Variants in PCDH19 observed in about 807,000 individuals in gnomAD.
The protein encoded by PCDH19 is protocadherin-19.
In PCDH19, 6 loss-of-function variants were observed where a neutral mutation model predicts 46.2. That is an observed-to-expected ratio of 0.13 (90% CI 0.07 to 0.26). PCDH19 has a LOEUF of 0.26. Among genes scored for constraint, PCDH19 ranks in the 10% least tolerant of loss-of-function variants. The pLI is 1.00. For synonymous variants in PCDH19, 481 were observed against 415.7 expected, an observed-to-expected ratio of 1.16 and a Z score of -1.91; for missense variants, 740 against 972.3, an observed-to-expected ratio of 0.76 and a Z score of 3.18.
At chrX:100,322,852 TATATA>T (rs1325317466) in intron 5 of PCDH19, among the ~76,000 whole-genome samples, 17 of 58,293 alleles carry the variant, frequency 2.9e-4, no homozygotes, top group African/African-American at 7.2e-4. Context: ...TATATATATA[TATATA>T]TATATATATT....
At chrX:100,324,057 G>C (rs2147469518) in intron 5 of PCDH19, among the ~76,000 whole-genome samples, 1 of 112,034 alleles carries the variant, frequency 8.9e-6, no homozygotes, top group African/African-American at 3.2e-5. Context: ...CAAACCAACT[G>C]TGAGAGGTGT....
chrX:100,325,151 AG>A (rs1925648997), intron 5 of PCDH19, among the ~76,000 whole-genome samples: 1 of 92,698 alleles, frequency 1.1e-5, no homozygotes, highest in Non-Finnish European at 2.3e-5. Flanking sequence ...ATAGATAGAT[AG>A]ATAGATAGAT....
intron 3 of PCDH19, among the ~76,000 whole-genome samples, chrX:100,387,172 T>A (rs2147521122): frequency 8.9e-6 from 1 of 112,007 alleles, no homozygotes; most frequent in Admixed American, 9.5e-5. Flanking sequence ...GTGAGAAGTT[T>A]ATACAGCCAT....
At chrX:100,342,438 A>G (rs773069177) in intron 4 of PCDH19, among the ~76,000 whole-genome samples, 2 of 112,394 alleles carry the variant, frequency 1.8e-5, no homozygotes, top group Non-Finnish European at 3.8e-5. Context: ...TTTACTGAGC[A>G]ATTACTATTC....
At chrX:100,332,928 G>A (rs1315278737) in intron 5 of PCDH19, among the ~76,000 whole-genome samples, 2 of 108,086 alleles carry the variant, frequency 1.9e-5, no homozygotes, top group Non-Finnish European at 3.8e-5. Context: ...CCTGAGCCCA[G>A]GAGGTCAAGG....
At chrX:100,392,620 C>T (rs959766185) in intron 3 of PCDH19, among the ~76,000 whole-genome samples, 1 of 111,695 alleles carries the variant, frequency 9.0e-6, no homozygotes, top group African/African-American at 3.3e-5. Context: ...ATGATCAGAA[C>T]AGCAAGCTCA....
chrX:100,296,794 A>T lies in PCDH19; in HGVS notation c.2930T>A (p.Met977Lys). Residue 977 changes from methionine to lysine, a missense_variant, in exon 6 of 6, where the codon ATG becomes AAG. Coordinates refer to ENST00000373034, the MANE Select transcript of PCDH19 (RefSeq NM_001184880.2). ...CTCAGGGGACTTGGAACGGATGGGC[A>T]TGGGGTTCCGGGGCATCCAGCACCT... is the stretch of plus-strand genomic sequence containing the variant. Reference protein sequence around the residue: ...SDRCWMPRNPMPIRSKSPEHV... With the variant: ...SDRCWMPRNPKPIRSKSPEHV... The T allele has an allele frequency of 8.3e-7, 1 of 1,211,486 alleles. No homozygotes were observed. Among genetic ancestry groups the T allele is most frequent in the Non-Finnish European group, 1.1e-6 (1 of 895,182 alleles).
chrX:100,394,883 A>ATTT lies in PCDH19; in HGVS notation c.2616+7638_2616+7640dup, dbSNP rs139332001. Among the ~76,000 whole-genome samples the ATTT allele has an allele frequency of 9.6e-4, 69 of 71,545 alleles. 1 individual carries two copies. Among genetic ancestry groups the ATTT allele is most frequent in the Middle Eastern group, 0.018 (2 of 114 alleles). 62.1% of individuals were successfully genotyped at this position (71,545 alleles called of 115,157 possible). ...AAATCTTGTCAATTTGAGGAATCTA[A>ATTT]TTTTTTTTTTTTTTTTTTTTTTGAG... On this transcript the variant is annotated intron_variant, in intron 3 of 5. Transcript: ENST00000373034.
intron 5 of PCDH19, among the ~76,000 whole-genome samples, chrX:100,336,792 T>C (rs1926102656): frequency 8.9e-6 from 1 of 111,750 alleles, no homozygotes; most frequent in Non-Finnish European, 1.9e-5. Context: ...CTGATGAATT[T>C]ATAATCAATA....
chrX:100,402,521 C>A lies in PCDH19; in HGVS notation c.2616+3G>T. On this transcript the variant is annotated splice_donor_region_variant and intron_variant, in intron 3 of 5. Coordinates refer to ENST00000373034, the MANE Select transcript of PCDH19 (RefSeq NM_001184880.2). ...CCTCACAGAGCCACTTAGCTGCACT[C>A]ACCTCAGGCAGAGGCACACCGTTGA... 2 of 1,207,978 alleles carry A rather than the reference C, an allele frequency of 1.7e-6. No homozygotes were observed. Among genetic ancestry groups the A allele is most frequent in the Non-Finnish European group, 2.2e-6 (2 of 892,010 alleles).
In PCDH19 at chrX:100,409,827, T is replaced by C. The variant is rs1248354677; in HGVS notation, c.-1230A>G. On this transcript the variant is annotated 5_prime_UTR_variant, in exon 1 of 6. It removes the in-frame stop codon of an upstream open reading frame in the 5' UTR. Coordinates refer to ENST00000373034, the MANE Select transcript of PCDH19 (RefSeq NM_001184880.2). ...TCGACGATTTTGTCGCCGCCGAAGT[T>C]TACTTGCAGGAGCGTCTTGATTTCA... The C allele has an allele frequency of 1.2e-5, 3 of 260,413 alleles. No individual in the cohort carries two copies. The highest frequency in any genetic ancestry group is 2.0e-5 in the Non-Finnish European group (3 of 149,285). The allele number at this position is 260,413 out of a possible 1,213,427, so 21.5% of individuals were successfully genotyped here. A position where few individuals can be genotyped will look rare whatever the true frequency, so the allele number is the denominator to read the frequency against.
chrX:100,384,571 CT>C (rs965638666), intron 3 of PCDH19, among the ~76,000 whole-genome samples: 1 of 109,918 alleles, frequency 9.1e-6, no homozygotes, highest in African/African-American at 3.3e-5. Flanking sequence ...GTGCCCTACG[CT>C]TTTTTTTGAA....
intron 3 of PCDH19, among the ~76,000 whole-genome samples, chrX:100,360,575 AACAGATTATTT>A (rs1926851894): frequency 8.9e-6 from 1 of 112,369 alleles, no homozygotes; most frequent in Admixed American, 9.5e-5. Context: ...AAAAAATATA[AACAGATTATTT>A]ATTTCTGACC....
chrX:100,376,080 A>T (rs1369917760), intron 3 of PCDH19, among the ~76,000 whole-genome samples: 2 of 109,642 alleles, frequency 1.8e-5, no homozygotes, highest in African/African-American at 6.7e-5. Flanking sequence ...CTACTAAATT[A>T]CAAAATTAGC....
At chrX:100,351,463 A>C (rs1461376313) in intron 3 of PCDH19, among the ~76,000 whole-genome samples, 1 of 112,655 alleles carries the variant, frequency 8.9e-6, no homozygotes, top group Non-Finnish European at 1.9e-5. Flanking sequence ...ACAGCTAATG[A>C]TCACCCAGAG....
chrX:100,354,150 A>T, intron 3 of PCDH19, among the ~76,000 whole-genome samples: 1 of 112,053 alleles, frequency 8.9e-6, no homozygotes, highest in East Asian at 2.8e-4. Flanking sequence ...ACTGACATCA[A>T]GTGTTCTAGC....
intron 3 of PCDH19, among the ~76,000 whole-genome samples, chrX:100,400,071 A>G (rs1004850750): frequency 4.4e-4 from 49 of 111,454 alleles, no homozygotes; most frequent in African/African-American, 1.6e-3. Flanking sequence ...GTGATCACCA[A>G]GTCCTCAGGA....
At chrX:100,350,555 CA>C (rs1014905103) in intron 4 of PCDH19, 90 bp downstream of exon 4, 8 of 633,227 alleles carry the variant, frequency 1.3e-5, no homozygotes, top group South Asian at 5.1e-5. Context: ...TAAAATCCCC[CA>C]AAAAAATACG....
At chrX:100,361,212 T>C (rs1163025541) in intron 3 of PCDH19, among the ~76,000 whole-genome samples, 1 of 112,326 alleles carries the variant, frequency 8.9e-6, no homozygotes, top group Non-Finnish European at 1.9e-5. Context: ...CTATGAAATC[T>C]TTTATCACAA....
Sources: gnomAD v4.1 joint callset for allele counts (sites outside exome capture counted in the v4.1 genomes callset) on GRCh38, gnomAD v4.1.1 for gene constraint, MANE v1.5 for transcripts, NCBI Gene and HGNC (gene_info 2026-07-23, HGNC 2026-07-21) for gene names.